Variants in TPRG1 observed in about 807,000 individuals in gnomAD.
The protein encoded by TPRG1 is tumor protein p63 regulated 1.
Under a neutral mutation model 29.3 loss-of-function variants are expected in TPRG1, and 29 were observed. That is an observed-to-expected ratio of 0.99 (90% CI 0.74 to 1.35). TPRG1 has a LOEUF of 1.35. Among genes scored for constraint, TPRG1 ranks in the 40% most tolerant of loss-of-function variants. The probability of loss-of-function intolerance (pLI) is 0.00; values close to 1 mark genes in which losing one functional copy is unlikely to be tolerated. For missense variants in TPRG1, 327 were observed against 335.0 expected (o/e 0.98, Z 0.19); for synonymous variants, 130 against 116.8 (o/e 1.11, Z -0.73).
chr3:188,998,883 A>G (rs1310404044), intron 1 of TPRG1, among the ~76,000 whole-genome samples: 1 of 152,134 alleles, frequency 6.6e-6, no homozygotes, highest in Non-Finnish European at 1.5e-5. Context: ...TGAAGGAACT[A>G]GTTCTATTGT....
rs1396502894 is a variant in TPRG1, at chr3:189,084,879, AC to A, written c.-462-42173del. Among the ~76,000 whole-genome samples the A allele has an allele frequency of 2.0e-5, 3 of 152,248 alleles. No individual in the cohort carries two copies. The East Asian group carries it at 5.8e-4, about 29-fold the overall frequency. Reference sequence around the variant, plus strand: ...CCAAATGTTTCAGGAGAGACTTCGCACCCCCAAAGGAAGCCAACCATATTTT... The same window carrying A: ...CCAAATGTTTCAGGAGAGACTTCGCACCCCAAAGGAAGCCAACCATATTTT... On this transcript the variant is annotated intron_variant, in intron 4 of 10. Transcript: ENST00000433971.
chr3:189,316,065 C>T (rs115173891), intron 5 of TPRG1, among the ~76,000 whole-genome samples: 2,324 of 152,162 alleles, frequency 0.015, 62 homozygotes, highest in African/African-American at 0.053. Context: ...AAATGTTCTC[C>T]GATAAAGACT....
chr3:189,069,560 T>C (rs1008098846), intron 4 of TPRG1, among the ~76,000 whole-genome samples: 5 of 152,110 alleles, frequency 3.3e-5, no homozygotes, highest in African/African-American at 1.2e-4. Context: ...CATCTAAAGG[T>C]ATAATGATCT....
At chr3:189,210,503 TATGA>T (rs1341298258) in intron 2 of TPRG1, among the ~76,000 whole-genome samples, 2 of 145,170 alleles carry the variant, frequency 1.4e-5, no homozygotes, top group African/African-American at 5.8e-5. Context: ...GATTGAAATC[TATGA>T]AAGAGTCATG....
At chr3:189,041,866 G>T (rs1714655415) in intron 4 of TPRG1, among the ~76,000 whole-genome samples, 1 of 152,142 alleles carries the variant, frequency 6.6e-6, no homozygotes, top group Admixed American at 6.5e-5. Context: ...ATTTCCTTAG[G>T]ATGTTGAACG....
At chr3:189,181,477 C>G (rs894746288) in intron 1 of TPRG1, among the ~76,000 whole-genome samples, 1 of 152,188 alleles carries the variant, frequency 6.6e-6, no homozygotes, top group Non-Finnish European at 1.5e-5. Context: ...TCATCTCTCT[C>G]AAGTTCAAAG....
chr3:189,297,130 G>A (rs961164600), intron 4 of TPRG1, among the ~76,000 whole-genome samples: 9 of 152,032 alleles, frequency 5.9e-5, no homozygotes, highest in East Asian at 1.9e-4. Context: ...ACAGGCACGC[G>A]CCACCAAGCC....
At chr3:189,119,896 A>G (rs1016448566) in intron 1 of TPRG1, among the ~76,000 whole-genome samples, 1 of 152,178 alleles carries the variant, frequency 6.6e-6, no homozygotes, top group South Asian at 2.1e-4. Flanking sequence ...GGGTCTGTCC[A>G]CCGGAGCGCC....
intron 3 of TPRG1, among the ~76,000 whole-genome samples, chr3:189,021,801 C>T (rs895658455): frequency 5.3e-5 from 8 of 152,242 alleles, no homozygotes; most frequent in African/African-American, 1.7e-4. Flanking sequence ...TGGGGAAGTT[C>T]TCCTGGATAA....
At chr3:189,310,730 A>C (rs1305162951) in intron 5 of TPRG1, among the ~76,000 whole-genome samples, 191 bp downstream of exon 5, 1 of 152,064 alleles carries the variant, frequency 6.6e-6, no homozygotes, top group Non-Finnish European at 1.5e-5. Flanking sequence ...AAAGAGTCAA[A>C]CTGTTTTTAT....
chr3:189,038,499 G>A (rs1373482134), intron 4 of TPRG1, among the ~76,000 whole-genome samples: 2 of 151,982 alleles, frequency 1.3e-5, no homozygotes, highest in African/African-American at 2.4e-5. Flanking sequence ...ACATTAGTAT[G>A]TAAAATGTAA....
chr3:189,084,423 G>A (rs760638921), intron 4 of TPRG1, among the ~76,000 whole-genome samples: 25 of 152,170 alleles, frequency 1.6e-4, no homozygotes, highest in Non-Finnish European at 2.4e-4. Context: ...CTGTTCTTTA[G>A]CTGTTTCATT....
chr3:189,196,628 G>T (rs894753381), intron 1 of TPRG1, among the ~76,000 whole-genome samples: 2 of 152,128 alleles, frequency 1.3e-5, no homozygotes, highest in Non-Finnish European at 2.9e-5. Context: ...CCATGACTCA[G>T]TTACCTCCCA....
chr3:189,046,019 C>T (rs1310933176), intron 4 of TPRG1, among the ~76,000 whole-genome samples: 1 of 152,190 alleles, frequency 6.6e-6, no homozygotes, highest in Non-Finnish European at 1.5e-5. Flanking sequence ...AGGCAGGATC[C>T]CGAGTGCAGG....
At chr3:189,117,798 C>G (rs1357486147) in intron 1 of TPRG1, among the ~76,000 whole-genome samples, 3 of 152,208 alleles carry the variant, frequency 2.0e-5, no homozygotes, top group African/African-American at 7.2e-5. Context: ...TTGTAAGTTT[C>G]CTGAGGCCTC....
chr3:188,998,530 G>C (rs1171997163), intron 1 of TPRG1, among the ~76,000 whole-genome samples: 1 of 152,220 alleles, frequency 6.6e-6, no homozygotes, highest in African/African-American at 2.4e-5. Flanking sequence ...AGATGGTTTT[G>C]AAAAGGAGAG....
At chr3:189,262,615 C>A (rs909359872) in intron 4 of TPRG1, among the ~76,000 whole-genome samples, 20 of 152,150 alleles carry the variant, frequency 1.3e-4, no homozygotes, top group Admixed American at 1.3e-4. Flanking sequence ...AAGTGGAAAG[C>A]ACTTTGAAGG....
At chr3:189,096,705 A>T (rs981608325), upstream of TPRG1, among the ~76,000 whole-genome samples, 1 of 152,246 alleles carries the variant, frequency 6.6e-6, no homozygotes, top group Non-Finnish European at 1.5e-5. Context: ...ATATTTTCCA[A>T]AAGAAAGTGG....
intron 4 of TPRG1, among the ~76,000 whole-genome samples, chr3:189,274,911 A>G (rs181034614): frequency 2.0e-5 from 3 of 150,294 alleles, no homozygotes; most frequent in Admixed American, 2.0e-4. Flanking sequence ...AGTTTTCCCA[A>G]GGGCATTTCT....
Sources: gnomAD v4.1 joint callset for allele counts (sites outside exome capture counted in the v4.1 genomes callset) on GRCh38, gnomAD v4.1.1 for gene constraint, MANE v1.5 for transcripts, NCBI Gene and HGNC (gene_info 2026-07-23, HGNC 2026-07-21) for gene names.